The following SETD1A variants were observed in gnomAD, a reference collection of about 807,000 sequenced individuals.
The protein encoded by SETD1A is SET domain containing 1A, histone lysine methyltransferase, also known as histone-lysine N-methyltransferase SETD1A.
A neutral mutation model predicts 149.9 loss-of-function variants in SETD1A; 29 were observed. The observed-to-expected ratio is 0.19, with a 90% CI of 0.14 to 0.26. SETD1A has a LOEUF of 0.26. SETD1A is among the 10% of genes least tolerant of loss of function. The pLI, the probability that SETD1A is intolerant of heterozygous loss-of-function variation, is 1.00. For missense variants in SETD1A, 2,109 were observed against 2,353.1 expected (o/e 0.90, Z 2.15); for synonymous variants, 1,141 against 968.5 (o/e 1.18, Z -3.31).
At chr16:30,972,045 T>G (rs143038811) in intron 13 of SETD1A, among the ~76,000 whole-genome samples, 1 of 152,300 alleles carries the variant, frequency 6.6e-6, no homozygotes, top group East Asian at 1.9e-4. Context: ...CTTCAGTGAG[T>G]AGTGAACAAG....
rs2056134427 is a variant in SETD1A at position 30,965,798 on chromosome 16, T to C, written c.1917T>C (p.Asp639=). The part of the protein sequence containing the change: ...QPAYLLPPRP[D]GPPPPEYPPP... ...CCTACCTCCTCCCACCCAGACCTGA[T>C]GGGCCGCCGCCCCCTGAGTACCCCC... The change falls in exon 8 of 19, where the codon GAT becomes GAC. Residue 639 remains aspartate (D), a synonymous_variant. Coordinates refer to ENST00000262519, the MANE Select transcript of SETD1A (RefSeq NM_014712.3). The C allele has an allele frequency of 3.1e-6, 5 of 1,587,380 alleles. No homozygotes were observed. Among genetic ancestry groups the C allele is most frequent in the Non-Finnish European group, 4.3e-6 (5 of 1,165,762 alleles).
Position 30,984,006 on chromosome 16 carries a change from C to T in SETD1A, c.5107C>T (p.Arg1703Trp), listed in dbSNP as rs1393480786. 5 of 1,613,270 alleles carry T rather than the reference C, an allele frequency of 3.1e-6. No individual in the cohort carries two copies. Among genetic ancestry groups the T allele is most frequent in the East Asian group, 2.2e-5 (1 of 44,876 alleles). ...GTGTCTGTGTGGCACAGAGAGCTGC[C>T]GGGGCTCCCTAAACTGAGGTGGGGC... ...IPCLCGTESC[R>W]GSLN Residue 1703 changes from arginine (R) to tryptophan (W), a missense_variant, in exon 19 of 19, where the codon CGG (arginine) becomes TGG (tryptophan). By Grantham distance (101) the Arg-to-Trp change is moderately radical. This residue lies in a region of SETD1A where 254 missense variants were observed against 409.3 expected (regional missense o/e 0.62). Transcript: ENST00000262519.
At chr16:30,970,361 T>A (rs1428177871) in intron 12 of SETD1A, among the ~76,000 whole-genome samples, 1 of 149,934 alleles carries the variant, frequency 6.7e-6, no homozygotes. Context: ...TCCGCCTCCC[T>A]GGTTCCAGCG....
In SETD1A at chr16:30,961,117, C is replaced by A; in HGVS notation, c.247-150C>A. 1.3e-6 allele frequency: 1 copy of A among 743,740 alleles called. No individual in the cohort carries two copies. 46.1% of individuals were successfully genotyped at this position (743,740 alleles called of 1,614,324 possible). On this transcript the variant is annotated intron_variant, in intron 3 of 18. Coordinates refer to ENST00000262519, the MANE Select transcript of SETD1A (RefSeq NM_014712.3). The surrounding 1 kb of genome is among the most constrained non-coding windows in gnomAD (Gnocchi z 4.0). ...AGAATTCAGGGAAAAGGGGTCAGGT[C>A]TGATGGATCCCTTATTTTGGGCCCC...
intron 17 of SETD1A, among the ~76,000 whole-genome samples, chr16:30,982,046 C>T (rs1339004606): frequency 2.0e-5 from 3 of 152,150 alleles, no homozygotes; most frequent in African/African-American, 7.2e-5. Context: ...CCTGGGGGGC[C>T]TAAGACCTTC....
Position 30,971,559 on chromosome 16 carries a change from G to T in SETD1A, c.3198G>T (p.Glu1066Asp). Residue 1066 changes from glutamate (E) to aspartate (D), a missense_variant, in exon 13 of 19, where the codon GAG becomes GAT. Coordinates refer to ENST00000262519, the MANE Select transcript of SETD1A (RefSeq NM_014712.3). ...CTGAGTCCTCCTCTGAAGATGAAGA[G>T]GAAGAGGAGCGGCCAGCAGCCCTTC... ...SSSESSSEDE[E>D]EEERPAALPS... The T allele has an allele frequency of 2.5e-6, 4 of 1,613,880 alleles. No individual in the cohort carries two copies. Among genetic ancestry groups the T allele is most frequent in the Non-Finnish European group, 3.4e-6 (4 of 1,179,926 alleles).
intron 9 of SETD1A, 122 bp from the exon 10 acceptor site, chr16:30,967,379 C>T: frequency 1.2e-6 from 1 of 864,620 alleles, no homozygotes. Flanking sequence ...GTCTTGAACT[C>T]CTAACCTCAG....
rs1050203871 is a variant in SETD1A at position 30,965,367 on chromosome 16, C to T, written c.1625C>T (p.Pro542Leu). The change falls in exon 7 of 19, where the codon CCT becomes CTT. Residue 542 changes from proline (P) to leucine (L), a missense_variant. This residue lies in a region of SETD1A where 431 missense variants were observed against 388.6 expected (regional missense o/e 1.11). Transcript: ENST00000262519. ...SGSGHGPCTPPPAPANFEDVA... is the reference protein window; with the variant it reads ...SGSGHGPCTPLPAPANFEDVA... ...TCAGGGCATGGGCCCTGCACACCCCCTCCGGCCCCAGCTAATTTTGAGGAT... is the reference window on the plus strand; with the variant it reads ...TCAGGGCATGGGCCCTGCACACCCCTTCCGGCCCCAGCTAATTTTGAGGAT... The T allele has an allele frequency of 3.1e-6, 5 of 1,611,648 alleles. No individual in the cohort carries two copies. The highest frequency in any genetic ancestry group is 4.2e-6 in the Non-Finnish European group (5 of 1,177,932).
Position 30,971,547 on chromosome 16 carries a change from T to C in SETD1A, c.3186T>C (p.Ser1062=). 1.9e-6 allele frequency: 3 copies of C among 1,613,766 alleles called. No individual in the cohort carries two copies. Among genetic ancestry groups the C allele is most frequent in the Non-Finnish European group, 2.5e-6 (3 of 1,179,874 alleles). ...CCTCTTCATCCTCTGAGTCCTCCTCTGAAGATGAAGAGGAAGAGGAGCGGC... is the reference window on the plus strand; with the variant it reads ...CCTCTTCATCCTCTGAGTCCTCCTCCGAAGATGAAGAGGAAGAGGAGCGGC... ...SSSSSSSESS[S]EDEEEEERPA... is the part of the protein sequence containing the mutation. The change falls in exon 13 of 19, where the codon TCT becomes TCC. Residue 1062 remains serine (S), a synonymous_variant. Transcript: ENST00000262519.
intron 1 of SETD1A, chr16:30,958,171 G>GT (rs1281133802): frequency 6.6e-6 from 1 of 150,666 alleles, no homozygotes; most frequent in South Asian, 2.1e-4. Context: ...TGCTGGGGGG[G>GT]GTGCAGAACG....
At chr16:30,969,244 C>T (rs958853437) in intron 10 of SETD1A, 61 bp from the exon 11 acceptor site, 1 of 1,534,240 alleles carries the variant, frequency 6.5e-7, no homozygotes, top group Non-Finnish European at 8.9e-7. Flanking sequence ...AAGCCCCTTG[C>T]ACAGGGCAAG....
chr16:30,981,332 A>C (rs769835821), intron 17 of SETD1A, 152 bp downstream of exon 17: 2 of 954,594 alleles, frequency 2.1e-6, no homozygotes, highest in Non-Finnish European at 3.1e-6. Flanking sequence ...TGTGGTCAGC[A>C]GGTGTCAGTG....
Position 30,964,132 on chromosome 16 carries a change from C to T in SETD1A, c.678C>T (p.Ala226=), listed in dbSNP as rs761596266. 2.5e-6 allele frequency: 4 copies of T among 1,614,120 alleles called. No individual in the cohort carries two copies. The highest frequency in any genetic ancestry group is 3.4e-6 in the Non-Finnish European group (4 of 1,180,018). Residue 226 remains alanine, a synonymous_variant, in exon 6 of 19, where the codon GCC becomes GCT. Transcript: ENST00000262519. ...SRRRSSSDTA[A]YPAGTTAVGT... The stretch of plus-strand genomic sequence containing the variant: ...GCCGCTCTTCCTCTGACACAGCTGC[C>T]TACCCAGCAGGCACCACTGCGGTGG...
chr16:30,964,049 TG>T (rs1567351257), intron 5 of SETD1A, 44 bp from the exon 6 acceptor site: 1 of 1,445,928 alleles, frequency 6.9e-7, no homozygotes, highest in East Asian at 2.3e-5. Context: ...TCTCAAGTGG[TG>T]TTTGAGCCCA....
In SETD1A at chr16:30,971,584, C is replaced by T; in HGVS notation, c.3223C>T (p.Pro1075Ser). Reference protein sequence around the residue: ...EEEEERPAALPSASPPPREVP... With the variant: ...EEEEERPAALSSASPPPREVP... ...GGAAGAGGAGCGGCCAGCAGCCCTT[C>T]CCTCAGCCTCCCCGCCCCCCAGAGA... Residue 1075 changes from proline to serine, a missense_variant, in exon 13 of 19, where the codon CCC (proline) becomes TCC (serine). Physicochemically the swap from Pro to Ser is moderately conservative, Grantham distance 74. Coordinates refer to ENST00000262519, the MANE Select transcript of SETD1A (RefSeq NM_014712.3). 2 of 1,613,956 alleles carry T rather than the reference C, an allele frequency of 1.2e-6. No individual in the cohort carries two copies. Among genetic ancestry groups the T allele is most frequent in the South Asian group, 1.1e-5 (1 of 91,058 alleles).
chr16:30,963,653 T>A, intron 5 of SETD1A, 99 bp downstream of exon 5: 2 of 1,335,324 alleles, frequency 1.5e-6, no homozygotes, highest in Non-Finnish European at 2.0e-6. Flanking sequence ...GCTTTCCCGT[T>A]AAACAAAGAA....
chr16:30,977,191 G>A (rs975183421), intron 13 of SETD1A, among the ~76,000 whole-genome samples: 2 of 152,154 alleles, frequency 1.3e-5, no homozygotes, highest in Non-Finnish European at 2.9e-5. Context: ...TGGTCCACCC[G>A]CCTCGGCCTC....
At chr16:30,967,149 T>G in intron 9 of SETD1A, 89 bp downstream of exon 9, 2 of 1,006,730 alleles carry the variant, frequency 2.0e-6, no homozygotes, top group Non-Finnish European at 1.4e-6. Flanking sequence ...GAACCATGAG[T>G]GTTTGAGTTT....
In SETD1A at chr16:30,980,010, G is replaced by A. The variant is rs1443301570; in HGVS notation, c.4224G>A (p.Pro1408=). 3.1e-5 allele frequency: 8 copies of A among 257,930 alleles called. No homozygotes were observed. The highest frequency in any genetic ancestry group is 1.4e-4 in the East Asian group (1 of 7,196). The allele number at this position is 257,930 out of a possible 1,614,324, so 16.0% of individuals were successfully genotyped here. A position where few individuals can be genotyped will look rare whatever the true frequency, so the allele number is the denominator to read the frequency against. Residue 1408 remains proline, a synonymous_variant, in exon 14 of 19, where the codon CCG becomes CCA. Transcript: ENST00000262519. The surrounding 1 kb of genome is among the most constrained non-coding windows in gnomAD (Gnocchi z 7.7). Reference sequence around the variant, plus strand: ...GCCGCCGCCCTCCGCCCCCACCCCCGCCGCCACCGCCCCGCGCCTACGAGC... The same window carrying A: ...GCCGCCGCCCTCCGCCCCCACCCCCACCGCCACCGCCCCGCGCCTACGAGC... ...ARRRRPPPPP[P]PPPPRAYEPR... is the part of the protein sequence containing the mutation.
Sources: gnomAD v4.1 joint callset for allele counts (sites outside exome capture counted in the v4.1 genomes callset) on GRCh38, gnomAD v4.1.1 for gene constraint, gnomAD v4.1.1 regional missense constraint, Gnocchi (gnomAD v3.1) non-coding constraint, MANE v1.5 for transcripts, NCBI Gene and HGNC (gene_info 2026-07-23, HGNC 2026-07-21) for gene names.